SLX4IP: variants seen among roughly 807,000 people sequenced by gnomAD.
SLX4IP encodes SLX4 interacting protein, also known as protein SLX4IP.
A neutral mutation model predicts 32.9 loss-of-function variants in SLX4IP; 34 were observed. That is an observed-to-expected ratio of 1.03 (90% CI 0.79 to 1.38). The LOEUF (loss-of-function observed/expected upper bound fraction) is 1.38, where lower values mean the gene tolerates loss of function less well. Among genes scored for constraint, SLX4IP ranks in the 40% most tolerant of loss-of-function variants. SLX4IP has a pLI of 0.00. For synonymous variants in SLX4IP, 172 were observed against 171.7 expected (o/e 1.00, Z -0.01); for missense variants, 444 against 479.0 (o/e 0.93, Z 0.68).
At chr20:10,510,812 G>T (rs1467012002) in intron 2 of SLX4IP, among the ~76,000 whole-genome samples, 1 of 152,034 alleles carries the variant, frequency 6.6e-6, no homozygotes, top group Admixed American at 6.5e-5. Context: ...CACCATGTTC[G>T]CCAGGATGGT....
chr20:10,511,276 C>G (rs1421097981), intron 2 of SLX4IP, among the ~76,000 whole-genome samples: 3 of 152,200 alleles, frequency 2.0e-5, no homozygotes, highest in African/African-American at 7.2e-5. Flanking sequence ...CTTTCTTCAT[C>G]ATAGTCTCAG....
At chr20:10,526,165 A>G (rs2065938757) in intron 2 of SLX4IP, among the ~76,000 whole-genome samples, 1 of 152,158 alleles carries the variant, frequency 6.6e-6, no homozygotes, top group African/African-American at 2.4e-5. Flanking sequence ...CTCTTCCCAT[A>G]GACTTCAGGG....
At chr20:10,608,403 T>C (rs527364797) in intron 6 of SLX4IP, among the ~76,000 whole-genome samples, 17 of 152,134 alleles carry the variant, frequency 1.1e-4, no homozygotes, top group East Asian at 7.7e-4. Flanking sequence ...CGGTGGCTCA[T>C]GCCTGTAATC....
chr20:10,622,991 C>A lies in SLX4IP; in HGVS notation c.839C>A (p.Ser280Ter). Reference protein sequence around the residue: ...RSPVCSCESASPCPKQSPRVA... With the variant: ...RSPVCSCESA ...CCCGTCTGTAGCTGTGAGTCAGCATCACCATGTCCAAAACAAAGTCCACGA... is the reference window on the plus strand; with the variant it reads ...CCCGTCTGTAGCTGTGAGTCAGCATAACCATGTCCAAAACAAAGTCCACGA... Residue 280 changes from serine (S) to a stop codon, truncating the protein, a stop_gained, in exon 8 of 8, where the codon TCA becomes TAA. Transcript: ENST00000334534. LOFTEE classifies it high-confidence loss of function. 6.2e-7 allele frequency: 1 copy of A among 1,614,214 alleles called. No homozygotes were observed.
intron 2 of SLX4IP, among the ~76,000 whole-genome samples, chr20:10,498,954 T>G (rs1568710719): frequency 1.3e-5 from 2 of 152,138 alleles, no homozygotes; most frequent in South Asian, 2.1e-4. Flanking sequence ...ATTTGGACAA[T>G]AAATTATCAC....
chr20:10,486,709 GC>G (rs767957823), intron 2 of SLX4IP, among the ~76,000 whole-genome samples: 9 of 152,260 alleles, frequency 5.9e-5, no homozygotes. Flanking sequence ...AGAGTATATA[GC>G]CAGGATAGCC....
Position 10,626,173 on chromosome 20 carries a change from C to A in SLX4IP, c.*2794C>A, listed in dbSNP as rs547632411. Reference sequence around the variant, plus strand: ...GGGACTACAGACGCTCGCCACCACGCCCGGCTAATTTTTTGTATTTTTTTT... The same window carrying A: ...GGGACTACAGACGCTCGCCACCACGACCGGCTAATTTTTTGTATTTTTTTT... On this transcript the variant is annotated 3_prime_UTR_variant, in exon 8 of 8. Coordinates refer to ENST00000334534, the MANE Select transcript of SLX4IP (RefSeq NM_001009608.3). The A allele has an allele frequency of 6.8e-6, 1 of 147,410 alleles. No individual in the cohort carries two copies. Among genetic ancestry groups the A allele is most frequent in the South Asian group, 2.2e-4 (1 of 4,528 alleles). The allele number at this position is 147,410 out of a possible 1,614,324, so 9.1% of individuals were successfully genotyped here. A position where few individuals can be genotyped will look rare whatever the true frequency, so the allele number is the denominator to read the frequency against.
intron 4 of SLX4IP, among the ~76,000 whole-genome samples, chr20:10,563,269 G>C (rs986673217): frequency 2.0e-5 from 3 of 152,122 alleles, no homozygotes; most frequent in African/African-American, 7.2e-5. Flanking sequence ...ATTTGCTATT[G>C]AGTTATTTGA....
chr20:10,455,151 G>A (rs547363028), intron 1 of SLX4IP, among the ~76,000 whole-genome samples: 1 of 152,206 alleles, frequency 6.6e-6, no homozygotes, highest in South Asian at 2.1e-4. Flanking sequence ...TCAGATGTAT[G>A]ATTTGCAGAT....
chr20:10,612,563 G>A (rs1475387962), intron 6 of SLX4IP, among the ~76,000 whole-genome samples: 3 of 152,046 alleles, frequency 2.0e-5, no homozygotes, highest in Non-Finnish European at 4.4e-5. Flanking sequence ...TATTATTATT[G>A]AGATGCAGTT....
intron 4 of SLX4IP, among the ~76,000 whole-genome samples, chr20:10,585,177 C>G (rs2066631767): frequency 6.6e-6 from 1 of 152,024 alleles, no homozygotes; most frequent in Non-Finnish European, 1.5e-5. Context: ...TTTGTGTCCT[C>G]TTTCATACTC....
intron 2 of SLX4IP, among the ~76,000 whole-genome samples, chr20:10,507,391 T>A (rs1175590206): frequency 6.6e-6 from 1 of 151,324 alleles, no homozygotes; most frequent in Non-Finnish European, 1.5e-5. Flanking sequence ...GTGGGAAAGG[T>A]GGGAAGAGAT....
intron 3 of SLX4IP, among the ~76,000 whole-genome samples, chr20:10,558,545 A>C (rs544412465): frequency 2.0e-5 from 3 of 152,194 alleles, no homozygotes; most frequent in Non-Finnish European, 4.4e-5. Flanking sequence ...CCATTTTAAC[A>C]GTCATTTTAT....
At chr20:10,456,326 T>C (rs1339359511) in intron 1 of SLX4IP, among the ~76,000 whole-genome samples, 1 of 151,992 alleles carries the variant, frequency 6.6e-6, no homozygotes, top group East Asian at 1.9e-4. Context: ...GTAGTAAGCT[T>C]TTATTTATTT....
At chr20:10,561,370 T>C (rs1456160452) in intron 4 of SLX4IP, among the ~76,000 whole-genome samples, 1 of 152,012 alleles carries the variant, frequency 6.6e-6, no homozygotes, top group East Asian at 1.9e-4. Context: ...CCTCTTCCTA[T>C]CCTTCCCTTC....
chr20:10,455,636 G>T (rs1206656463), intron 1 of SLX4IP, among the ~76,000 whole-genome samples: 1 of 143,798 alleles, frequency 7.0e-6, no homozygotes, highest in Non-Finnish European at 1.5e-5. Flanking sequence ...TTGAGACAGA[G>T]TCTCACTCTG....
At chr20:10,602,375 C>T (rs552080777) in intron 6 of SLX4IP, among the ~76,000 whole-genome samples, 59 of 152,148 alleles carry the variant, frequency 3.9e-4, no homozygotes, top group African/African-American at 1.3e-3. Context: ...GTCTTGAGTT[C>T]CAGCAGGGCC....
chr20:10,474,862 T>C (rs1463546219), intron 2 of SLX4IP, among the ~76,000 whole-genome samples: 1 of 152,240 alleles, frequency 6.6e-6, no homozygotes, highest in African/African-American at 2.4e-5. Flanking sequence ...GGCCTCCCTC[T>C]GGCGCCACCA....
chr20:10,604,582 G>A (rs2066883195), intron 6 of SLX4IP, among the ~76,000 whole-genome samples: 1 of 152,252 alleles, frequency 6.6e-6, no homozygotes, highest in African/African-American at 2.4e-5. Context: ...GCAGTACAAA[G>A]GGAGTAATCC....
Sources: gnomAD v4.1 joint callset for allele counts (sites outside exome capture counted in the v4.1 genomes callset) on GRCh38, gnomAD v4.1.1 for gene constraint, MANE v1.5 for transcripts, NCBI Gene and HGNC (gene_info 2026-07-23, HGNC 2026-07-21) for gene names.